The following MITF variants were observed in gnomAD, a reference collection of about 807,000 sequenced individuals.
The protein encoded by MITF is melanocyte inducing transcription factor, also known as microphthalmia-associated transcription factor.
A neutral mutation model predicts 60.5 loss-of-function variants in MITF; 17 were observed. The observed-to-expected ratio is 0.28, with a 90% CI of 0.19 to 0.42. MITF has a LOEUF of 0.42. Among genes scored for constraint, MITF ranks in the 10% least tolerant of loss-of-function variants. The probability of loss-of-function intolerance (pLI) is 1.00; values close to 1 mark genes in which losing one functional copy is unlikely to be tolerated. For synonymous variants in MITF, 260 were observed against 248.5 expected, an observed-to-expected ratio of 1.05 and a Z score of -0.43; for missense variants, 622 against 683.5, an observed-to-expected ratio of 0.91 and a Z score of 1.00.
chr3:69,937,957 C>T lies in MITF; in HGVS notation c.490C>T (p.Pro164Ser). The change falls in exon 3 of 10, where the codon CCT becomes TCT. Residue 164 changes from proline to serine, a missense_variant. By Grantham distance (74) the Pro-to-Ser change is moderately conservative. This residue lies in a region of MITF where 215 missense variants were observed against 224.8 expected (regional missense o/e 0.96). Coordinates refer to ENST00000352241, the MANE Select transcript of MITF (RefSeq NM_001354604.2). ...QVLSLPCPNQ[P>S]GDHVMPPVPG... ...CCTGAGCTTGCCATGTCCAAACCAG[C>T]CTGGCGATCATGTCATGCCACCGGT... is the stretch of plus-strand genomic sequence containing the variant. The T allele has an allele frequency of 6.2e-7, 1 of 1,614,176 alleles. No homozygotes were observed. The highest frequency in any genetic ancestry group is 8.5e-7 in the Non-Finnish European group (1 of 1,180,020).
intron 1 of MITF, among the ~76,000 whole-genome samples, chr3:69,825,127 A>G (rs2063334809): frequency 6.6e-6 from 1 of 152,212 alleles, no homozygotes; most frequent in African/African-American, 2.4e-5. Context: ...AGAAAGTTTA[A>G]TAGATGAAAT....
intron 1 of MITF, among the ~76,000 whole-genome samples, chr3:69,799,957 G>A (rs1395359914): frequency 6.6e-6 from 1 of 152,098 alleles, no homozygotes; most frequent in Non-Finnish European, 1.5e-5. Context: ...TTTAAATTGA[G>A]ATGTAATTCA....
intron 1 of MITF, among the ~76,000 whole-genome samples, chr3:69,743,702 A>G (rs1404015685): frequency 2.0e-5 from 3 of 152,198 alleles, no homozygotes; most frequent in Non-Finnish European, 4.4e-5. Flanking sequence ...TGAGTTCTGA[A>G]TGGTGGGTGG....
rs547621147 is a variant in MITF at position 69,876,633 on chromosome 3, A to G, written c.105-2501A>G. Among the ~76,000 whole-genome samples, 91 of 152,316 alleles carry G rather than the reference A, an allele frequency of 6.0e-4. No homozygotes were observed. The South Asian group carries it at 0.014, about 23-fold the overall frequency. Reference sequence around the variant, plus strand: ...GGATGAGTGCATGATATTAAATAATATGCAAGGTATTAATGCTGTTCGATT... The same window carrying G: ...GGATGAGTGCATGATATTAAATAATGTGCAAGGTATTAATGCTGTTCGATT... On this transcript the variant is annotated intron_variant, in intron 1 of 9. Coordinates refer to ENST00000352241, the MANE Select transcript of MITF (RefSeq NM_001354604.2).
At chr3:69,836,837 GT>G (rs1398279328) in intron 1 of MITF, among the ~76,000 whole-genome samples, 25 of 152,306 alleles carry the variant, frequency 1.6e-4, no homozygotes. Flanking sequence ...ATATTCATGT[GT>G]ATATTAAAGG....
At chr3:69,784,522 G>A (rs1206581072) in intron 1 of MITF, among the ~76,000 whole-genome samples, 1 of 152,144 alleles carries the variant, frequency 6.6e-6, no homozygotes, top group Non-Finnish European at 1.5e-5. Flanking sequence ...ATAGAAAACA[G>A]TTACAAAGCT....
chr3:69,884,187 A>G (rs2064556626), intron 2 of MITF, among the ~76,000 whole-genome samples: 1 of 152,136 alleles, frequency 6.6e-6, no homozygotes, highest in Non-Finnish European at 1.5e-5. Context: ...TTCAATATGA[A>G]TCTCACCCTG....
At chr3:69,915,909 C>G (rs2065323699) in intron 2 of MITF, among the ~76,000 whole-genome samples, 1 of 152,200 alleles carries the variant, frequency 6.6e-6, no homozygotes, top group Admixed American at 6.5e-5. Context: ...TCCTCAGTCA[C>G]ATGTTCATTC....
intron 2 of MITF, among the ~76,000 whole-genome samples, chr3:69,920,634 C>T (rs1016657784): frequency 2.0e-5 from 3 of 152,208 alleles, no homozygotes; most frequent in Non-Finnish European, 4.4e-5. Flanking sequence ...CCAGTGGACA[C>T]GTGACCCATG....
At chr3:69,740,204 C>G (rs7643531) in intron 1 of MITF, among the ~76,000 whole-genome samples, 52,962 of 151,966 alleles carry the variant, frequency 0.35, 11,065 homozygotes, top group Non-Finnish European at 0.47. Context: ...CTTGGGAGTC[C>G]GGTCTCTGTG....
intron 2 of MITF, among the ~76,000 whole-genome samples, chr3:69,914,886 C>A (rs1375632642): frequency 6.6e-6 from 1 of 152,074 alleles, no homozygotes; most frequent in Non-Finnish European, 1.5e-5. Context: ...TGGAGGGCTC[C>A]ACCTTTAAAA....
intron 1 of MITF, among the ~76,000 whole-genome samples, chr3:69,877,387 T>C (rs1432776248): frequency 6.6e-6 from 1 of 152,212 alleles, no homozygotes; most frequent in South Asian, 2.1e-4. Flanking sequence ...TTTTAATATA[T>C]ACCAGCAATG....
At chr3:69,787,300 A>G (rs1424754477) in intron 1 of MITF, among the ~76,000 whole-genome samples, 3 of 152,232 alleles carry the variant, frequency 2.0e-5, no homozygotes, top group African/African-American at 7.2e-5. Context: ...GAGGAAAATC[A>G]GGGTAGTTTC....
At chr3:69,763,375 G>A (rs1158288852) in intron 1 of MITF, among the ~76,000 whole-genome samples, 2 of 152,142 alleles carry the variant, frequency 1.3e-5, no homozygotes, top group East Asian at 3.8e-4. Flanking sequence ...TAGATAAAGA[G>A]GTAGTTTTGG....
intron 1 of MITF, among the ~76,000 whole-genome samples, chr3:69,745,675 C>T (rs1293157469): frequency 6.6e-6 from 1 of 152,088 alleles, no homozygotes; most frequent in Non-Finnish European, 1.5e-5. Flanking sequence ...CTGATGATAC[C>T]TCATGGTGGC....
intron 1 of MITF, among the ~76,000 whole-genome samples, chr3:69,770,613 T>A (rs1399774799): frequency 6.6e-6 from 1 of 152,212 alleles, no homozygotes; most frequent in African/African-American, 2.4e-5. Context: ...TTACTGTGTA[T>A]TGACTGTGCA....
At position 69,801,265 on chromosome 3, in the gene MITF, A is replaced by T. The variant is rs377592408; in HGVS notation, c.104+61564A>T. Among the ~76,000 whole-genome samples, 128 of 152,242 alleles carry T rather than the reference A, an allele frequency of 8.4e-4. 3 individuals carry two copies. In the South Asian group the frequency reaches 0.025, roughly 29 times the overall value. On this transcript the variant is annotated intron_variant, in intron 1 of 9. Coordinates refer to ENST00000352241, the MANE Select transcript of MITF (RefSeq NM_001354604.2). ...AATTAAGAAGCTTAAATAATTATAG[A>T]TTCCCTCTCCTCCCATTCATTAGAT...
chr3:69,886,802 A>C (rs751150397), intron 2 of MITF, among the ~76,000 whole-genome samples: 12 of 152,106 alleles, frequency 7.9e-5, no homozygotes, highest in South Asian at 4.1e-4. Flanking sequence ...GATAGTCATC[A>C]TTATGGGTTA....
At chr3:69,857,907 G>C (rs1180388392) in intron 1 of MITF, among the ~76,000 whole-genome samples, 1 of 151,952 alleles carries the variant, frequency 6.6e-6, no homozygotes, top group East Asian at 1.9e-4. Flanking sequence ...AACCAATATT[G>C]TTTGATATTA....
Sources: gnomAD v4.1 joint callset for allele counts (sites outside exome capture counted in the v4.1 genomes callset) on GRCh38, gnomAD v4.1.1 for gene constraint, gnomAD v4.1.1 regional missense constraint, MANE v1.5 for transcripts, NCBI Gene and HGNC (gene_info 2026-07-23, HGNC 2026-07-21) for gene names.